CSMD1: variants seen among roughly 807,000 people sequenced by gnomAD.
CSMD1 encodes CUB and sushi domain-containing protein 1.
Under a neutral mutation model 417.5 loss-of-function variants are expected in CSMD1, and 213 were observed. That is an observed-to-expected ratio of 0.51 (90% CI 0.46 to 0.57). The LOEUF (loss-of-function observed/expected upper bound fraction) is 0.57. Among genes scored for constraint, CSMD1 ranks in the 20% least tolerant of loss-of-function variants. The probability of loss-of-function intolerance (pLI) is 0.00; values close to 1 mark genes in which losing one functional copy is unlikely to be tolerated. For missense variants in CSMD1, 6,923 were observed against 4,529.7 expected (o/e 1.53, Z -15.17); for synonymous variants, 2,862 against 1,736.8 (o/e 1.65, Z -16.11).
intron 3 of CSMD1, among the ~76,000 whole-genome samples, chr8:4,143,428 T>C (rs1005220827): frequency 6.6e-5 from 10 of 150,586 alleles, no homozygotes; most frequent in Non-Finnish European, 1.2e-4. Context: ...AGGCTGAAAG[T>C]TCGGATACCT....
intron 5 of CSMD1, among the ~76,000 whole-genome samples, chr8:3,877,861 A>C (rs987983359): frequency 5.3e-5 from 8 of 152,192 alleles, no homozygotes; most frequent in African/African-American, 1.9e-4. Context: ...AATGACAAAC[A>C]AACATTACTA....
chr8:3,720,018 A>G (rs113533402), intron 6 of CSMD1, among the ~76,000 whole-genome samples: 10 of 152,358 alleles, frequency 6.6e-5, no homozygotes, highest in African/African-American at 2.4e-4. Context: ...AGAAGCACCT[A>G]GTGCAATGTC....
At chr8:3,804,130 C>A (rs1035668376) in intron 5 of CSMD1, among the ~76,000 whole-genome samples, 2 of 152,084 alleles carry the variant, frequency 1.3e-5, no homozygotes, top group African/African-American at 4.8e-5. Flanking sequence ...CAGGGTTTCA[C>A]CATGTTGGCC....
intron 3 of CSMD1, among the ~76,000 whole-genome samples, chr8:4,405,169 C>G (rs1804922737): frequency 6.6e-6 from 1 of 152,138 alleles, no homozygotes; most frequent in Non-Finnish European, 1.5e-5. Flanking sequence ...CTGGAATCCA[C>G]CATAAATCCT....
intron 3 of CSMD1, among the ~76,000 whole-genome samples, chr8:4,380,804 G>C (rs1318203966): frequency 6.6e-6 from 1 of 152,046 alleles, no homozygotes; most frequent in African/African-American, 2.4e-5. Context: ...TAAATCTTGG[G>C]AGCAAGGCAC....
intron 37 of CSMD1, among the ~76,000 whole-genome samples, chr8:3,169,706 T>C (rs1820460732): frequency 7.0e-6 from 1 of 143,254 alleles, no homozygotes; most frequent in South Asian, 2.5e-4. Flanking sequence ...CCGCTGAGTC[T>C]AGAGCTAGAA....
intron 57 of CSMD1, among the ~76,000 whole-genome samples, chr8:2,967,919 A>G (rs137868983): frequency 6.6e-6 from 1 of 152,242 alleles, no homozygotes; most frequent in East Asian, 1.9e-4. Flanking sequence ...AAATAATACA[A>G]AGTGCACACG....
chr8:4,049,343 A>T (rs1798305789), intron 3 of CSMD1, among the ~76,000 whole-genome samples: 1 of 151,722 alleles, frequency 6.6e-6, no homozygotes, highest in African/African-American at 2.4e-5. Flanking sequence ...ATGCCATAGC[A>T]CTCCAAGCTC....
At chr8:4,522,162 C>A (rs994772090) in intron 2 of CSMD1, among the ~76,000 whole-genome samples, 1 of 152,046 alleles carries the variant, frequency 6.6e-6, no homozygotes, top group Non-Finnish European at 1.5e-5. Context: ...CTGGGCTGTT[C>A]TCGTGATAGT....
chr8:4,016,744 T>G (rs1379008214), intron 4 of CSMD1, among the ~76,000 whole-genome samples: 5 of 152,196 alleles, frequency 3.3e-5, no homozygotes, highest in Non-Finnish European at 5.9e-5. Context: ...ACCACCCTCT[T>G]GGGTTAAGGG....
intron 3 of CSMD1, among the ~76,000 whole-genome samples, chr8:4,185,775 G>A (rs1202287773): frequency 6.6e-6 from 1 of 152,178 alleles, no homozygotes; most frequent in South Asian, 2.1e-4. Flanking sequence ...TCCCCTACCA[G>A]TGGAAATGTG....
chr8:2,950,953 C>G (rs1307241629), intron 66 of CSMD1, among the ~76,000 whole-genome samples, 161 bp downstream of exon 66: 1 of 152,040 alleles, frequency 6.6e-6, no homozygotes, highest in Non-Finnish European at 1.5e-5. Context: ...AAAATAATAC[C>G]AACCTCTCAC....
At chr8:4,279,260 G>A (rs553298286) in intron 3 of CSMD1, among the ~76,000 whole-genome samples, 1 of 152,228 alleles carries the variant, frequency 6.6e-6, no homozygotes, top group Admixed American at 6.5e-5. Context: ...GCCACATTTT[G>A]AAACACTTAT....
chr8:4,468,674 G>C (rs922923087), intron 2 of CSMD1, among the ~76,000 whole-genome samples: 1 of 151,998 alleles, frequency 6.6e-6, no homozygotes, highest in Admixed American at 6.6e-5. Flanking sequence ...TCCTCCCCTG[G>C]ACTGTATGTA....
chr8:3,873,641 T>A (rs1805628736), intron 5 of CSMD1, among the ~76,000 whole-genome samples: 2 of 152,042 alleles, frequency 1.3e-5, no homozygotes, highest in South Asian at 2.1e-4. Context: ...AATTTGCATA[T>A]CAAACCCCCA....
At chr8:4,764,173 G>A (rs1563325021) in intron 1 of CSMD1, among the ~76,000 whole-genome samples, 1 of 152,174 alleles carries the variant, frequency 6.6e-6, no homozygotes, top group Non-Finnish European at 1.5e-5. Flanking sequence ...AGCACCCACT[G>A]CTGAAATCAT....
At chr8:3,479,111 G>C (rs1193980972) in intron 11 of CSMD1, among the ~76,000 whole-genome samples, 1 of 152,026 alleles carries the variant, frequency 6.6e-6, no homozygotes, top group Non-Finnish European at 1.5e-5. Flanking sequence ...TAAAGGCACT[G>C]AGCAGATAAA....
intron 3 of CSMD1, among the ~76,000 whole-genome samples, chr8:4,281,776 G>A (rs1014267238): frequency 1.3e-5 from 2 of 152,128 alleles, no homozygotes; most frequent in Non-Finnish European, 2.9e-5. Context: ...AAGGAATAAA[G>A]TGATAACTGT....
intron 3 of CSMD1, among the ~76,000 whole-genome samples, chr8:4,376,783 C>T (rs1411596991): frequency 6.6e-6 from 1 of 152,226 alleles, no homozygotes; most frequent in Non-Finnish European, 1.5e-5. Context: ...ATAACCAACT[C>T]TATTTTCTGT....
Sources: gnomAD v4.1 joint callset for allele counts (sites outside exome capture counted in the v4.1 genomes callset) on GRCh38, gnomAD v4.1.1 for gene constraint, MANE v1.5 for transcripts, NCBI Gene and HGNC (gene_info 2026-07-23, HGNC 2026-07-21) for gene names.